Variants in MYO1D observed in about 807,000 individuals in gnomAD.
The protein encoded by MYO1D is unconventional myosin-Id.
A neutral mutation model predicts 122.0 loss-of-function variants in MYO1D; 83 were observed. The ratio of observed to expected loss-of-function variants is 0.68; its 90% CI spans 0.57 to 0.82. The LOEUF (loss-of-function observed/expected upper bound fraction) is 0.82. Among genes scored for constraint, MYO1D ranks in the 40% least tolerant of loss-of-function variants. The pLI, the probability that MYO1D is intolerant of heterozygous loss-of-function variation, is 0.00. For missense variants in MYO1D, 1,157 were observed against 1,269.5 expected (o/e 0.91, Z 1.35); for synonymous variants, 464 against 446.9 (o/e 1.04, Z -0.48).
At chr17:32,621,579 A>G (rs2087855780) in intron 20 of MYO1D, among the ~76,000 whole-genome samples, 1 of 152,140 alleles carries the variant, frequency 6.6e-6, no homozygotes, top group African/African-American at 2.4e-5. Context: ...ATCAAAGCCA[A>G]CCCTTAATTA....
intron 21 of MYO1D, among the ~76,000 whole-genome samples, chr17:32,571,439 T>G (rs961177533): frequency 6.6e-6 from 1 of 152,186 alleles, no homozygotes; most frequent in African/African-American, 2.4e-5. Flanking sequence ...CCTCCTTTCC[T>G]GGAACTTGCA....
At chr17:32,874,802 C>G (rs1390077476) in intron 1 of MYO1D, among the ~76,000 whole-genome samples, 1 of 152,054 alleles carries the variant, frequency 6.6e-6, no homozygotes, top group Non-Finnish European at 1.5e-5. Flanking sequence ...TTGCAGCATT[C>G]TCTTCTGTAC....
rs1910740739 is a variant in MYO1D at position 32,538,745 on chromosome 17, A to AG, written c.2865-43831_2865-43830insC. Among the ~76,000 whole-genome samples, 3 of 152,296 alleles carry AG rather than the reference A, an allele frequency of 2.0e-5. No individual in the cohort carries two copies. In the East Asian group the frequency reaches 5.8e-4, roughly 29 times the overall value. On this transcript the variant is annotated intron_variant, in intron 21 of 21. Coordinates refer to ENST00000318217, the MANE Select transcript of MYO1D (RefSeq NM_015194.3). ...GATAAAGAAAATGTGATATATATAC[A>AG]CCATGGAATACTATGCAGCCGTAAA...
chr17:32,723,769 T>C (rs906668495), intron 14 of MYO1D, among the ~76,000 whole-genome samples: 9 of 152,144 alleles, frequency 5.9e-5, no homozygotes, highest in Non-Finnish European at 1.3e-4. Context: ...CCCAGCTGAC[T>C]GCAGCTGCTT....
At chr17:32,747,345 T>C (rs2089848412) in intron 12 of MYO1D, among the ~76,000 whole-genome samples, 1 of 152,088 alleles carries the variant, frequency 6.6e-6, no homozygotes, top group Non-Finnish European at 1.5e-5. Context: ...TGAGGAGCAG[T>C]GTTCAGTGGA....
intron 1 of MYO1D, among the ~76,000 whole-genome samples, chr17:32,850,042 T>C (rs779937485): frequency 2.0e-5 from 3 of 152,216 alleles, no homozygotes; most frequent in Admixed American, 2.0e-4. Context: ...TTTTCAATCA[T>C]GAAAGGTTAC....
intron 21 of MYO1D, among the ~76,000 whole-genome samples, chr17:32,511,212 C>T (rs1909684377): frequency 1.3e-5 from 2 of 151,268 alleles, no homozygotes; most frequent in South Asian, 4.1e-4. Flanking sequence ...CCTTAAACTT[C>T]TCTCGCTCAC....
At chr17:32,784,600 T>C (rs1044269240) in intron 1 of MYO1D, among the ~76,000 whole-genome samples, 6 of 152,186 alleles carry the variant, frequency 3.9e-5, no homozygotes. Context: ...AGTTCTGAAT[T>C]AGTGAGTAGT....
chr17:32,572,220 C>T (rs1262889019), intron 21 of MYO1D, among the ~76,000 whole-genome samples: 4 of 149,928 alleles, frequency 2.7e-5, no homozygotes, highest in Non-Finnish European at 5.9e-5. Flanking sequence ...TTCCTTCCAG[C>T]ACTTTTACTC....
chr17:32,840,595 C>T (rs1235267249), intron 1 of MYO1D, among the ~76,000 whole-genome samples: 2 of 152,224 alleles, frequency 1.3e-5, no homozygotes, highest in Non-Finnish European at 2.9e-5. Flanking sequence ...TATTCTCTCC[C>T]TCTCTTACTC....
chr17:32,747,871 G>C (rs189569706), intron 12 of MYO1D, among the ~76,000 whole-genome samples: 179 of 152,014 alleles, frequency 1.2e-3, no homozygotes, highest in Non-Finnish European at 1.7e-3. Flanking sequence ...AGACACAAAG[G>C]GACAGTTAAC....
chr17:32,712,160 T>C lies in MYO1D; in HGVS notation c.1949A>G (p.His650Arg), dbSNP rs746258248. The C allele has an allele frequency of 6.2e-7, 1 of 1,613,952 alleles. No individual in the cohort carries two copies. Among genetic ancestry groups the C allele is most frequent in the Non-Finnish European group, 8.5e-7 (1 of 1,179,956 alleles). ...AGCCTCTTTGTCTGAAGGAAGGTCA[T>C]GGTTGGGCCAGGTGAATTCAGAGAT... ...KMISEFTWPN[H>R]DLPSDKEAVK... is the part of the protein sequence containing the mutation. Residue 650 changes from histidine to arginine, a missense_variant, in exon 16 of 22, where the codon CAT becomes CGT. Transcript: ENST00000318217.
intron 21 of MYO1D, among the ~76,000 whole-genome samples, chr17:32,585,531 A>T (rs2087378883): frequency 6.6e-6 from 1 of 152,126 alleles, no homozygotes; most frequent in South Asian, 2.1e-4. Flanking sequence ...GGAGTTCGAG[A>T]CCAGTCTGGC....
intron 21 of MYO1D, among the ~76,000 whole-genome samples, chr17:32,567,836 C>T (rs1319967321): frequency 6.6e-6 from 1 of 152,186 alleles, no homozygotes; most frequent in African/African-American, 2.4e-5. Flanking sequence ...TTCAGTGGTG[C>T]TAACGAGGCC....
intron 21 of MYO1D, among the ~76,000 whole-genome samples, chr17:32,556,444 T>C (rs1003840856): frequency 1.3e-5 from 2 of 152,102 alleles, no homozygotes; most frequent in African/African-American, 4.8e-5. Context: ...CATTCTAGAA[T>C]TGAACAGTTG....
chr17:32,805,092 T>C (rs1317440027), intron 1 of MYO1D, among the ~76,000 whole-genome samples: 4 of 152,182 alleles, frequency 2.6e-5, no homozygotes, highest in Non-Finnish European at 4.4e-5. Flanking sequence ...AGTGCTCTTA[T>C]AAAAATGGCT....
intron 20 of MYO1D, among the ~76,000 whole-genome samples, chr17:32,637,516 T>C (rs905725605): frequency 2.6e-5 from 4 of 151,808 alleles, no homozygotes; most frequent in African/African-American, 9.7e-5. Flanking sequence ...CTACTAAAAA[T>C]ACAAAATACC....
At position 32,687,138 on chromosome 17, in the gene MYO1D, C is replaced by T. The variant is rs78453477; in HGVS notation, c.2121+24850G>A. Among the ~76,000 whole-genome samples, 883 of 151,904 alleles carry T rather than the reference C, an allele frequency of 5.8e-3. 25 individuals carry two copies. In the East Asian group the frequency reaches 0.059, roughly 10 times the overall value. On this transcript the variant is annotated intron_variant, in intron 16 of 21. Transcript: ENST00000318217. The stretch of plus-strand genomic sequence containing the variant: ...TTTTATTTCCCCCTTACCCCCCGCC[C>T]GCACCCCAGCCTCCTGAGTAGCTAG...
rs1318326204 is a variant in MYO1D, at chr17:32,877,069, C to T, written c.-197G>A. 4.5e-6 allele frequency: 1 copy of T among 222,928 alleles called. No homozygotes were observed. The allele number at this position is 222,928 out of a possible 1,614,324, so 13.8% of individuals were successfully genotyped here. A position where few individuals can be genotyped will look rare whatever the true frequency, so the allele number is the denominator to read the frequency against. On this transcript the variant is annotated 5_prime_UTR_variant, in exon 1 of 22. Coordinates refer to ENST00000318217, the MANE Select transcript of MYO1D (RefSeq NM_015194.3). ...GGCGCCTTCTCGGCCGGCGCGGCTCCGAACGGGACGCACCCGACAGTTTCC... is the reference window on the plus strand; with the variant it reads ...GGCGCCTTCTCGGCCGGCGCGGCTCTGAACGGGACGCACCCGACAGTTTCC...
Sources: gnomAD v4.1 joint callset for allele counts (sites outside exome capture counted in the v4.1 genomes callset) on GRCh38, gnomAD v4.1.1 for gene constraint, MANE v1.5 for transcripts, NCBI Gene and HGNC (gene_info 2026-07-23, HGNC 2026-07-21) for gene names.